The following APC variants were observed in gnomAD, a reference collection of about 807,000 sequenced individuals.
APC encodes the protein APC regulator of Wnt signaling pathway, also known as adenomatous polyposis coli protein.
In APC, 72 loss-of-function variants were observed where a neutral mutation model predicts 247.0. That is an observed-to-expected ratio of 0.29 (90% CI 0.24 to 0.35). APC has a LOEUF of 0.35. Ranked by LOEUF, APC falls within the 10% of genes least tolerant of loss-of-function variation. APC has a pLI of 1.00. For synonymous variants in APC, 1,254 were observed against 1,162.5 expected (o/e 1.08, Z -1.60); for missense variants, 3,400 against 3,360.7 (o/e 1.01, Z -0.29).
intron 4 of APC, among the ~76,000 whole-genome samples, chr5:112,767,735 G>T (rs1756522526): frequency 6.6e-6 from 1 of 151,140 alleles, no homozygotes. Flanking sequence ...GGTTCAAGCG[G>T]TTCTTGTGCC....
At chr5:112,767,715 C>T (rs1756520358) in intron 4 of APC, among the ~76,000 whole-genome samples, 1 of 152,022 alleles carries the variant, frequency 6.6e-6, no homozygotes, top group South Asian at 2.1e-4. Context: ...ACTGCAACCT[C>T]CACCTCCTGG....
intron 1 of APC, among the ~76,000 whole-genome samples, chr5:112,753,097 A>G (rs770294600): frequency 8.6e-5 from 13 of 151,946 alleles, no homozygotes; most frequent in Non-Finnish European, 1.6e-4. Flanking sequence ...TTACCTGTTA[A>G]TTTTATTTGA....
intron 4 of APC, among the ~76,000 whole-genome samples, chr5:112,774,037 A>G (rs1757330530): frequency 6.6e-6 from 1 of 152,194 alleles, no homozygotes; most frequent in Admixed American, 6.5e-5. Flanking sequence ...TATTCTAGGA[A>G]TTTCTTTTAT....
chr5:112,810,074 GT>G (rs891005839), intron 8 of APC: 2 of 451,660 alleles, frequency 4.4e-6, no homozygotes, highest in African/African-American at 4.0e-5. Context: ...AGAAAAGATC[GT>G]TAACTGATAC....
At chr5:112,754,670 A>G (rs544105469) in intron 1 of APC, among the ~76,000 whole-genome samples, 8 of 152,290 alleles carry the variant, frequency 5.3e-5, no homozygotes, top group African/African-American at 1.7e-4. Flanking sequence ...TTTTAATTTC[A>G]TTTATCTTGA....
chr5:112,780,469 A>G (rs909989382), intron 5 of APC, among the ~76,000 whole-genome samples: 2 of 152,142 alleles, frequency 1.3e-5, no homozygotes, highest in African/African-American at 4.8e-5. Context: ...TTCAGTAGAG[A>G]AGAGTCATAA....
At chr5:112,764,315 A>G (rs1035044268) in intron 2 of APC, among the ~76,000 whole-genome samples, 9 of 152,076 alleles carry the variant, frequency 5.9e-5, no homozygotes, top group African/African-American at 1.9e-4. Flanking sequence ...AGCTCTGTGC[A>G]AGGTTGAGCC....
At chr5:112,748,017 C>A (rs1319158083) in intron 1 of APC, among the ~76,000 whole-genome samples, 1 of 152,162 alleles carries the variant, frequency 6.6e-6, no homozygotes, top group Admixed American at 6.5e-5. Flanking sequence ...GCTACAGCTA[C>A]AAAGTCAAGT....
intron 11 of APC, among the ~76,000 whole-genome samples, chr5:112,824,079 C>A (rs1159205308): frequency 6.6e-6 from 1 of 152,196 alleles, no homozygotes; most frequent in Non-Finnish European, 1.5e-5. Flanking sequence ...ATCAGTCTTT[C>A]TTTTGTTCAT....
intron 1 of APC, among the ~76,000 whole-genome samples, chr5:112,721,566 G>A (rs1751486212): frequency 6.6e-6 from 1 of 152,208 alleles, no homozygotes; most frequent in Admixed American, 6.5e-5. Flanking sequence ...AAGGAGCTAA[G>A]AAGCCAGAGT....
At chr5:112,778,994 A>T (rs1350274333) in intron 5 of APC, among the ~76,000 whole-genome samples, 3 of 152,232 alleles carry the variant, frequency 2.0e-5, no homozygotes, top group Non-Finnish European at 2.9e-5. Context: ...ACATGTAGCT[A>T]GCCAGGTTTC....
chr5:112,769,271 G>C lies in APC; in HGVS notation c.422+1881G>C, dbSNP rs537041053. Among the ~76,000 whole-genome samples the C allele has an allele frequency of 1.2e-3, 184 of 151,824 alleles. 1 individual carries two copies. Among genetic ancestry groups the C allele is most frequent in the African/African-American group, 4.4e-3 (181 of 41,420 alleles). ...TCACCATGTTGGCCAGGCTGGTCTC[G>C]ATCTCCTGACCTCAGGTGATCTGCC... On this transcript the variant is annotated intron_variant, in intron 4 of 15. Coordinates refer to ENST00000257430, the MANE Select transcript of APC (RefSeq NM_000038.6).
intron 1 of APC, among the ~76,000 whole-genome samples, chr5:112,754,078 C>T (rs1225047157): frequency 6.6e-6 from 1 of 152,160 alleles, no homozygotes; most frequent in Non-Finnish European, 1.5e-5. Context: ...TAATAACTGC[C>T]AGACTCTGCT....
intron 6 of APC, among the ~76,000 whole-genome samples, chr5:112,788,385 C>G (rs967298986): frequency 6.6e-6 from 1 of 152,064 alleles, no homozygotes; most frequent in African/African-American, 2.4e-5. Context: ...AATATTTAGT[C>G]TTGGTTGAAA....
intron 4 of APC, among the ~76,000 whole-genome samples, chr5:112,769,326 C>T (rs1385125093): frequency 6.6e-6 from 1 of 152,102 alleles, no homozygotes; most frequent in Non-Finnish European, 1.5e-5. Flanking sequence ...TTTGGGATTA[C>T]AGGCATGAGC....
At chr5:112,794,019 A>T (rs996202479) in intron 7 of APC, among the ~76,000 whole-genome samples, 2 of 147,916 alleles carry the variant, frequency 1.4e-5, no homozygotes, top group Non-Finnish European at 3.0e-5. Flanking sequence ...TTCTTTTTTT[A>T]AGAGACGTGG....
chr5:112,812,694 G>A lies in APC; in HGVS notation c.835-2801G>A, dbSNP rs146407475. ...GTGTGTTCATATAGTTTCTGTCAAA[G>A]CACTTACCCACACGTATTTTCATGT... On this transcript the variant is annotated intron_variant, in intron 8 of 15. Transcript: ENST00000257430. Among the ~76,000 whole-genome samples the A allele has an allele frequency of 2.8e-3, 425 of 152,266 alleles. 1 individual carries two copies. Among genetic ancestry groups the A allele is most frequent in the Non-Finnish European group, 5.3e-3 (362 of 68,022 alleles).
At position 112,707,854 on chromosome 5, in the gene APC, C is replaced by T. The variant is rs1016971418; in HGVS notation, c.137C>T (p.Thr46Ile). The T allele has an allele frequency of 1.9e-5, 26 of 1,370,090 alleles. No homozygotes were observed. The highest frequency in any genetic ancestry group is 2.5e-5 in the Non-Finnish European group (26 of 1,038,512). The allele number at this position is 1,370,090 out of a possible 1,614,324, so 84.9% of individuals were successfully genotyped here. Reference sequence around the variant, plus strand: ...ACGAAGAGCCCGGGCGGCGCTCGTACTTCTGGCCACTGGGCGAGCGTCTGG... The same window carrying T: ...ACGAAGAGCCCGGGCGGCGCTCGTATTTCTGGCCACTGGGCGAGCGTCTGG... Residue 46 changes from threonine to isoleucine, a missense_variant, in exon 1 of 14, where the codon ACT (threonine) becomes ATT (isoleucine). By Grantham distance (89) the Thr-to-Ile change is moderately conservative. Transcript: ENST00000507379.
intron 6 of APC, among the ~76,000 whole-genome samples, chr5:112,791,174 C>A (rs557087299): frequency 3.3e-4 from 50 of 152,254 alleles, no homozygotes; most frequent in African/African-American, 9.4e-4. Context: ...CACACACACA[C>A]AATATATTCC....
Sources: allele counts gnomAD v4.1 joint callset (sites outside exome capture counted in the v4.1 genomes callset), GRCh38; gene constraint gnomAD v4.1.1; transcripts MANE v1.5; gene names NCBI Gene and HGNC (gene_info 2026-07-23, HGNC 2026-07-21).